The following DOK6 variants were observed in gnomAD, a reference collection of about 807,000 sequenced individuals.
DOK6 encodes the protein downstream of tyrosine kinase 6.
A neutral mutation model predicts 44.0 loss-of-function variants in DOK6; 22 were observed. The ratio of observed to expected loss-of-function variants is 0.50; its 90% CI spans 0.36 to 0.71. The LOEUF is 0.71. DOK6 is among the 30% of genes least tolerant of loss of function. The pLI, the probability that DOK6 is intolerant of heterozygous loss-of-function variation, is 0.00. For missense variants in DOK6, 340 were observed against 416.4 expected, an observed-to-expected ratio of 0.82 and a Z score of 1.60; for synonymous variants, 166 against 145.5, an observed-to-expected ratio of 1.14 and a Z score of -1.01.
chr18:69,525,031 A>G (rs939599501), intron 1 of DOK6, among the ~76,000 whole-genome samples: 4 of 151,850 alleles, frequency 2.6e-5, no homozygotes, highest in Non-Finnish European at 4.4e-5. Flanking sequence ...GAATATAAAA[A>G]TATTTTCTGA....
intron 7 of DOK6, among the ~76,000 whole-genome samples, chr18:69,840,547 C>T (rs1464700126): frequency 1.3e-5 from 2 of 152,196 alleles, no homozygotes; most frequent in Non-Finnish European, 1.5e-5. Flanking sequence ...GACTATTTCT[C>T]ATGCAGGGGT....
intron 7 of DOK6, among the ~76,000 whole-genome samples, chr18:69,837,754 C>T (rs930288508): frequency 6.6e-6 from 1 of 152,186 alleles, no homozygotes; most frequent in Non-Finnish European, 1.5e-5. Context: ...CATGGAAGAA[C>T]TCATGTCTGT....
chr18:69,671,000 C>T (rs139499686), intron 3 of DOK6, among the ~76,000 whole-genome samples: 7 of 152,218 alleles, frequency 4.6e-5, no homozygotes, highest in African/African-American at 7.2e-5. Flanking sequence ...CACGCACACA[C>T]GCGCACACAT....
At chr18:69,604,179 A>C (rs1476201916) in intron 3 of DOK6, among the ~76,000 whole-genome samples, 1 of 152,190 alleles carries the variant, frequency 6.6e-6, no homozygotes, top group Non-Finnish European at 1.5e-5. Context: ...AAAATGGCTT[A>C]TTTAGTATAC....
intron 1 of DOK6, among the ~76,000 whole-genome samples, chr18:69,542,866 A>C (rs1010016291): frequency 7.9e-5 from 12 of 151,620 alleles, no homozygotes; most frequent in African/African-American, 2.7e-4. Context: ...CTAAGGCTGC[A>C]AGGTGCCATG....
intron 1 of DOK6, among the ~76,000 whole-genome samples, chr18:69,488,582 G>C (rs1320807491): frequency 6.6e-6 from 1 of 152,176 alleles, no homozygotes; most frequent in African/African-American, 2.4e-5. Context: ...CACAATCATG[G>C]GGGGAGGTGA....
At chr18:69,698,927 C>A (rs1986451554) in intron 5 of DOK6, among the ~76,000 whole-genome samples, 1 of 152,012 alleles carries the variant, frequency 6.6e-6, no homozygotes, top group Admixed American at 6.6e-5. Context: ...TGCAAAAGGA[C>A]CTCCATAAAA....
chr18:69,693,226 T>C (rs1206451599), intron 4 of DOK6, among the ~76,000 whole-genome samples: 1 of 151,976 alleles, frequency 6.6e-6, no homozygotes, highest in Non-Finnish European at 1.5e-5. Flanking sequence ...CCATGTTCCA[T>C]TGTTTTCTTT....
At chr18:69,546,253 G>A (rs527998189) in intron 1 of DOK6, among the ~76,000 whole-genome samples, 2 of 146,852 alleles carry the variant, frequency 1.4e-5, no homozygotes, top group South Asian at 4.4e-4. Context: ...CTCCAGCTTG[G>A]ACAACAAGAG....
intron 1 of DOK6, among the ~76,000 whole-genome samples, chr18:69,546,431 G>A (rs1197973162): frequency 6.6e-6 from 1 of 151,504 alleles, no homozygotes. Flanking sequence ...TACCTCTGCT[G>A]TTTTCAGTCA....
chr18:69,677,295 A>T (rs929808749), intron 3 of DOK6, among the ~76,000 whole-genome samples: 1 of 151,186 alleles, frequency 6.6e-6, no homozygotes, highest in African/African-American at 2.4e-5. Context: ...ATTGACATAA[A>T]ATTAAATGTA....
At chr18:69,764,273 C>T (rs1180838881) in intron 7 of DOK6, among the ~76,000 whole-genome samples, 1 of 152,174 alleles carries the variant, frequency 6.6e-6, no homozygotes. Context: ...GAGCTGAACA[C>T]AGTGCCCAAT....
intron 3 of DOK6, among the ~76,000 whole-genome samples, chr18:69,634,066 CAAA>C (rs566093310): frequency 7.2e-6 from 1 of 139,624 alleles, no homozygotes. Flanking sequence ...TCTCCCAAAT[CAAA>C]AAAAAAAAAG....
intron 3 of DOK6, among the ~76,000 whole-genome samples, chr18:69,613,101 G>A (rs538369578): frequency 3.3e-5 from 5 of 152,198 alleles, no homozygotes; most frequent in Non-Finnish European, 7.4e-5. Flanking sequence ...GAACTCCTGG[G>A]CTCAAGCCAT....
chr18:69,641,011 A>C (rs923579939), intron 3 of DOK6, among the ~76,000 whole-genome samples: 1 of 152,002 alleles, frequency 6.6e-6, no homozygotes, highest in Admixed American at 6.6e-5. Context: ...CAGGAGATCG[A>C]TCGAGACCAT....
At chr18:69,590,423 C>T (rs190006711) in intron 2 of DOK6, among the ~76,000 whole-genome samples, 28 of 152,202 alleles carry the variant, frequency 1.8e-4, no homozygotes, top group African/African-American at 4.3e-4. Context: ...TAGAAATATG[C>T]GAGATCAGCA....
chr18:69,433,468 A>G (rs1978862049), intron 1 of DOK6, among the ~76,000 whole-genome samples: 1 of 152,206 alleles, frequency 6.6e-6, no homozygotes, highest in African/African-American at 2.4e-5. Flanking sequence ...GTAAACTATA[A>G]TGTAATAAAA....
intron 3 of DOK6, among the ~76,000 whole-genome samples, chr18:69,614,074 A>G (rs945715181): frequency 2.0e-5 from 3 of 151,838 alleles, no homozygotes; most frequent in African/African-American, 7.3e-5. Flanking sequence ...AGTTTATTCA[A>G]ATTTTATTTA....
intron 6 of DOK6, among the ~76,000 whole-genome samples, chr18:69,746,081 AATAG>A (rs1293537473): frequency 6.6e-6 from 1 of 152,146 alleles, no homozygotes; most frequent in Non-Finnish European, 1.5e-5. Context: ...CTTACTTACA[AATAG>A]ATAAACAGAA....
Sources: allele counts gnomAD v4.1 joint callset (sites outside exome capture counted in the v4.1 genomes callset), GRCh38; gene constraint gnomAD v4.1.1; transcripts MANE v1.5; gene names NCBI Gene and HGNC (gene_info 2026-07-23, HGNC 2026-07-21).